Variants in KCNK2 observed in about 807,000 individuals in gnomAD.
KCNK2 encodes potassium channel subfamily K member 2.
A neutral mutation model predicts 40.5 loss-of-function variants in KCNK2; 21 were observed. That is an observed-to-expected ratio of 0.52 (90% CI 0.37 to 0.75). KCNK2 has a LOEUF of 0.75. Among genes scored for constraint, KCNK2 ranks in the 30% least tolerant of loss-of-function variants. KCNK2 has a pLI of 0.00. For missense variants in KCNK2, 399 were observed against 531.6 expected (o/e 0.75, Z 2.45); for synonymous variants, 191 against 202.2 (o/e 0.94, Z 0.47).
At chr1:215,211,868 T>C (rs1665758189) in intron 6 of KCNK2, among the ~76,000 whole-genome samples, 1 of 152,180 alleles carries the variant, frequency 6.6e-6, no homozygotes, top group Non-Finnish European at 1.5e-5. Context: ...GATTTTAATT[T>C]TGTTCATTTT....
At chr1:215,143,148 T>A (rs546773862) in intron 3 of KCNK2, among the ~76,000 whole-genome samples, 10 of 152,316 alleles carry the variant, frequency 6.6e-5, no homozygotes, top group African/African-American at 1.7e-4. Context: ...TCCTTTTTTT[T>A]AAATTGAATT....
At chr1:215,038,014 T>G (rs557953862) in intron 1 of KCNK2, among the ~76,000 whole-genome samples, 1 of 152,192 alleles carries the variant, frequency 6.6e-6, no homozygotes, top group South Asian at 2.1e-4. Context: ...GTTGTCAGTC[T>G]TCTTCCAAGA....
rs1013075786 is a variant in KCNK2 at position 215,193,212 on chromosome 1, C to T, written c.824-1741C>T. 3.3e-5 allele frequency among the ~76,000 whole-genome samples: 5 copies of T among 152,172 alleles called. No homozygotes were observed. In the South Asian group the frequency reaches 8.3e-4, roughly 25 times the overall value. ...TTAATTTCTCTACAATAATGTTATA[C>T]TCAGTATTTTATACTTGATCTTTGA... On this transcript the variant is annotated intron_variant, in intron 5 of 6. Coordinates refer to ENST00000444842, the MANE Select transcript of KCNK2 (RefSeq NM_001017425.3).
At chr1:215,059,817 C>T (rs1040920213) in intron 1 of KCNK2, among the ~76,000 whole-genome samples, 1 of 152,206 alleles carries the variant, frequency 6.6e-6, no homozygotes, top group African/African-American at 2.4e-5. Context: ...AATGCATCCT[C>T]TTCTCTCCTC....
chr1:215,166,901 C>T (rs77563283), intron 3 of KCNK2, among the ~76,000 whole-genome samples: 6 of 151,920 alleles, frequency 3.9e-5, no homozygotes, highest in South Asian at 2.1e-4. Flanking sequence ...TGAGTTACTA[C>T]GTGGTTCAAC....
At chr1:215,219,341 C>A (rs894957760) in intron 6 of KCNK2, among the ~76,000 whole-genome samples, 12 of 152,132 alleles carry the variant, frequency 7.9e-5, no homozygotes, top group African/African-American at 2.7e-4. Flanking sequence ...CCTGTCCATG[C>A]CTATTTTAAG....
chr1:215,060,506 C>T (rs949755715), intron 1 of KCNK2, among the ~76,000 whole-genome samples: 13 of 152,244 alleles, frequency 8.5e-5, no homozygotes, highest in African/African-American at 2.2e-4. Context: ...GCAGGGTATA[C>T]GTTATTGGCT....
chr1:215,231,220 C>T (rs1276367665), intron 6 of KCNK2, among the ~76,000 whole-genome samples: 1 of 152,158 alleles, frequency 6.6e-6, no homozygotes, highest in Non-Finnish European at 1.5e-5. Flanking sequence ...ACTTTCTATG[C>T]AGGTGCCAAT....
intron 3 of KCNK2, among the ~76,000 whole-genome samples, chr1:215,156,061 CTG>C (rs112439818): frequency 2.4e-4 from 36 of 148,710 alleles, no homozygotes; most frequent in South Asian, 1.1e-3. Context: ...TATAGGTAGT[CTG>C]TGTGTGTGTG....
intron 1 of KCNK2, among the ~76,000 whole-genome samples, chr1:215,033,326 C>T (rs528393191): frequency 1.6e-4 from 24 of 151,782 alleles, no homozygotes; most frequent in African/African-American, 5.3e-4. Context: ...TGTTCAAATT[C>T]CCAATTTGAT....
intron 1 of KCNK2, among the ~76,000 whole-genome samples, chr1:215,014,189 T>G (rs934044105): frequency 6.6e-6 from 1 of 152,104 alleles, no homozygotes; most frequent in Admixed American, 6.6e-5. Flanking sequence ...CTCCTATCGT[T>G]TGTTAGCATG....
chr1:215,055,706 T>G (rs1464467901), intron 1 of KCNK2, among the ~76,000 whole-genome samples: 7 of 152,222 alleles, frequency 4.6e-5, no homozygotes. Flanking sequence ...ACGCTTTGCT[T>G]CCTGGTTGGA....
intron 2 of KCNK2, among the ~76,000 whole-genome samples, chr1:215,104,971 C>A (rs904957645): frequency 1.3e-5 from 2 of 151,934 alleles, no homozygotes; most frequent in African/African-American, 4.8e-5. Context: ...TTGTAGAACC[C>A]TTTTTAGAGG....
At chr1:215,059,853 G>A (rs1658308252) in intron 1 of KCNK2, among the ~76,000 whole-genome samples, 1 of 152,208 alleles carries the variant, frequency 6.6e-6, no homozygotes, top group African/African-American at 2.4e-5. Context: ...GACTTCAGAT[G>A]TGTGTGTTAC....
At chr1:215,086,140 C>A (rs912950453) in intron 1 of KCNK2, among the ~76,000 whole-genome samples, 2 of 152,020 alleles carry the variant, frequency 1.3e-5, no homozygotes, top group Non-Finnish European at 2.9e-5. Flanking sequence ...TTTTTTTCCT[C>A]TCATTTTGAA....
chr1:215,108,806 G>A (rs1660550499), intron 2 of KCNK2, among the ~76,000 whole-genome samples: 1 of 147,340 alleles, frequency 6.8e-6, no homozygotes, highest in South Asian at 2.2e-4. Flanking sequence ...GTGTGGGGTG[G>A]GATGGGTGGG....
chr1:215,063,613 A>G lies in KCNK2; in HGVS notation c.35-22755A>G, dbSNP rs1261439382. ...GAAGACCTCCTTGAAATGCACCTAT[A>G]TTGTCTGAAAGAAGCAATGATCGTA... On this transcript the variant is annotated intron_variant, in intron 1 of 6. Transcript: ENST00000391895. Among the ~76,000 whole-genome samples the G allele has an allele frequency of 3.3e-5, 5 of 152,144 alleles. No homozygotes were observed. In the East Asian group the frequency reaches 5.8e-4, roughly 18 times the overall value.
chr1:215,059,102 TACAC>T (rs1042103279), intron 1 of KCNK2, among the ~76,000 whole-genome samples: 28 of 148,142 alleles, frequency 1.9e-4, no homozygotes, highest in African/African-American at 6.9e-4. Context: ...TGTATATATA[TACAC>T]ACACATACAT....
chr1:215,135,174 AT>A (rs1005867775), intron 3 of KCNK2, among the ~76,000 whole-genome samples: 1 of 152,042 alleles, frequency 6.6e-6, no homozygotes, highest in Non-Finnish European at 1.5e-5. Flanking sequence ...ATAACTCTAC[AT>A]TTTTTTAAAG....
Sources: allele counts gnomAD v4.1 joint callset (sites outside exome capture counted in the v4.1 genomes callset), GRCh38; gene constraint gnomAD v4.1.1; transcripts MANE v1.5; gene names NCBI Gene and HGNC (gene_info 2026-07-23, HGNC 2026-07-21).